Variants in RAB38 observed in about 807,000 individuals in gnomAD.
RAB38 encodes the protein RAB38, member RAS oncogene family, also known as ras-related protein Rab-38.
Under a neutral mutation model 18.4 loss-of-function variants are expected in RAB38, and 15 were observed. The ratio of observed to expected loss-of-function variants is 0.82; its 90% CI spans 0.55 to 1.26. The LOEUF is 1.26. RAB38 is among the 50% of genes most tolerant of loss of function. The pLI is 0.00. For synonymous variants in RAB38, 101 were observed against 104.4 expected (o/e 0.97, Z 0.20); for missense variants, 294 against 267.4 (o/e 1.10, Z -0.69).
chr11:88,070,373 G>A, the RAB38 span, among the ~76,000 whole-genome samples: 701 of 152,296 alleles, frequency 4.6e-3, 3 homozygotes, highest in African/African-American at 0.016. Context: ...AACATCAGAA[G>A]GAACAAACTC....
At chr11:88,134,574 A>G (rs528396932) in intron 2 of RAB38, among the ~76,000 whole-genome samples, 1 of 152,302 alleles carries the variant, frequency 6.6e-6, no homozygotes, top group African/African-American at 2.4e-5. Context: ...GCTTAGGCCA[A>G]AAACTGTTGA....
chr11:87,809,519 G>A, the RAB38 span, among the ~76,000 whole-genome samples: 1 of 152,198 alleles, frequency 6.6e-6, no homozygotes, highest in Non-Finnish European at 1.5e-5. Context: ...AGGAAAAATT[G>A]ATATGAATCA....
chr11:87,951,768 A>G, the RAB38 span, among the ~76,000 whole-genome samples: 4 of 152,122 alleles, frequency 2.6e-5, no homozygotes, highest in Non-Finnish European at 5.9e-5. Flanking sequence ...GTTTTGTCTC[A>G]GAGGAGTACC....
the RAB38 span, among the ~76,000 whole-genome samples, chr11:88,066,926 T>G: frequency 6.6e-6 from 1 of 152,258 alleles, no homozygotes; most frequent in Non-Finnish European, 1.5e-5. Context: ...CTCTTCCAGC[T>G]AATCCCTGTT....
At chr11:87,910,509 TA>T in the RAB38 span, among the ~76,000 whole-genome samples, 123 of 152,238 alleles carry the variant, frequency 8.1e-4, 1 homozygote, top group African/African-American at 2.8e-3. Flanking sequence ...CTGCTTTTGA[TA>T]AAATATCCAA....
the RAB38 span, among the ~76,000 whole-genome samples, chr11:88,083,997 G>A: frequency 6.6e-6 from 1 of 151,898 alleles, no homozygotes; most frequent in Non-Finnish European, 1.5e-5. Flanking sequence ...TCCTAGAATT[G>A]TGCCTGGATA....
intron 1 of RAB38, among the ~76,000 whole-genome samples, chr11:88,153,715 G>A (rs551886214): frequency 6.6e-5 from 10 of 152,220 alleles, no homozygotes; most frequent in Non-Finnish European, 1.5e-4. Flanking sequence ...ACTTCTCAGA[G>A]ATTCTTTATT....
At chr11:88,114,332 T>C (rs1942518974) in intron 2 of RAB38, among the ~76,000 whole-genome samples, 192 bp from the exon 3 acceptor site, 1 of 152,244 alleles carries the variant, frequency 6.6e-6, no homozygotes, top group African/African-American at 2.4e-5. Flanking sequence ...AAGAAGTATT[T>C]ATTTTGCTAT....
intron 2 of RAB38, among the ~76,000 whole-genome samples, chr11:88,131,767 T>C (rs186015826): frequency 1.2e-3 from 182 of 152,316 alleles, no homozygotes; most frequent in African/African-American, 4.2e-3. Context: ...GTCATGCCCA[T>C]TGAGTGCAGG....
At chr11:87,899,409 A>C in the RAB38 span, among the ~76,000 whole-genome samples, 1 of 151,682 alleles carries the variant, frequency 6.6e-6, no homozygotes, top group Non-Finnish European at 1.5e-5. Flanking sequence ...AGCTGTTTTT[A>C]TTTCTTTATA....
At chr11:87,841,074 T>C in the RAB38 span, among the ~76,000 whole-genome samples, 2 of 152,132 alleles carry the variant, frequency 1.3e-5, no homozygotes, top group Non-Finnish European at 2.9e-5. Flanking sequence ...TGATTATCTT[T>C]TTGTTGTTCC....
chr11:87,950,478 C>T, the RAB38 span, among the ~76,000 whole-genome samples: 3 of 152,256 alleles, frequency 2.0e-5, no homozygotes, highest in Non-Finnish European at 4.4e-5. Flanking sequence ...TTCTTCCTAG[C>T]CTCAATGGTC....
the RAB38 span, among the ~76,000 whole-genome samples, chr11:88,027,873 A>G: frequency 6.6e-6 from 1 of 152,170 alleles, no homozygotes; most frequent in African/African-American, 2.4e-5. Flanking sequence ...TGAAGAGAGC[A>G]GTGGTTCTCC....
At chr11:88,062,450 G>A in the RAB38 span, among the ~76,000 whole-genome samples, 3 of 152,240 alleles carry the variant, frequency 2.0e-5, no homozygotes, top group Non-Finnish European at 2.9e-5. Flanking sequence ...CCAGTCTTGG[G>A]TATTTCTTTA....
the RAB38 span, among the ~76,000 whole-genome samples, chr11:87,921,193 T>C: frequency 6.6e-6 from 1 of 152,086 alleles, no homozygotes. Flanking sequence ...GACTTTAAAA[T>C]GTGTAAACTT....
chr11:87,940,774 A>G, the RAB38 span, among the ~76,000 whole-genome samples: 1 of 151,984 alleles, frequency 6.6e-6, no homozygotes, highest in African/African-American at 2.4e-5. Context: ...CTGGGATTAC[A>G]GGTGCACACC....
the RAB38 span, among the ~76,000 whole-genome samples, chr11:88,049,693 C>G: frequency 2.6e-5 from 4 of 152,112 alleles, no homozygotes; most frequent in Non-Finnish European, 2.9e-5. Flanking sequence ...CCCCTCTCCT[C>G]CTGCTCTTTG....
chr11:88,165,201 G>T lies in RAB38; in HGVS notation c.202+9982C>A, dbSNP rs1943232660. Among the ~76,000 whole-genome samples the T allele has an allele frequency of 2.0e-5, 3 of 152,054 alleles. No individual in the cohort carries two copies. The South Asian group carries it at 6.2e-4, about 32-fold the overall frequency. ...TAAAAACCATTATGCTGTTTATAAT[G>T]CATCAGGAAACAGTAGAATAGCATG... On this transcript the variant is annotated intron_variant, in intron 1 of 2. Coordinates refer to ENST00000243662, the MANE Select transcript of RAB38 (RefSeq NM_022337.3).
chr11:88,035,852 C>A, the RAB38 span, among the ~76,000 whole-genome samples: 2 of 151,814 alleles, frequency 1.3e-5, no homozygotes, highest in South Asian at 4.2e-4. Flanking sequence ...TACAACTAAC[C>A]TCAATGCCCT....
Sources: allele counts gnomAD v4.1 joint callset (sites outside exome capture counted in the v4.1 genomes callset), GRCh38; gene constraint gnomAD v4.1.1; transcripts MANE v1.5; gene names NCBI Gene and HGNC (gene_info 2026-07-23, HGNC 2026-07-21).